NDOR1: variants seen among roughly 807,000 people sequenced by gnomAD.
NDOR1 encodes NADPH dependent diflavin oxidoreductase 1.
In NDOR1, 61 loss-of-function variants were observed where a neutral mutation model predicts 67.2. That is an observed-to-expected ratio of 0.91 (90% confidence interval 0.74 to 1.12). The LOEUF (loss-of-function observed/expected upper bound fraction) is 1.12, where lower values mean the gene tolerates loss of function less well. Ranked by LOEUF, NDOR1 falls within the 50% of genes most tolerant of loss-of-function variation. The probability of loss-of-function intolerance (pLI) is 0.00; values close to 1 mark genes in which losing one functional copy is unlikely to be tolerated. For missense variants in NDOR1, 878 were observed against 802.8 expected (o/e 1.09, Z -1.13); for synonymous variants, 378 against 343.7 (o/e 1.10, Z -1.10).
rs533505495 is a variant in NDOR1 at position 137,207,556 on chromosome 9, C to G, written c.213+1247C>G. Among the ~76,000 whole-genome samples, 18 of 152,196 alleles carry G rather than the reference C, an allele frequency of 1.2e-4. No individual in the cohort carries two copies. In the South Asian group the frequency reaches 3.7e-3, roughly 32 times the overall value. ...AGGAAGCTCCTCTCTCCCCACAGGA[C>G]AGGCTGCCCAGAACGTTAGAGCCCA... is the stretch of plus-strand genomic sequence containing the variant. On this transcript the variant is annotated intron_variant, in intron 2 of 13. Transcript: ENST00000684003.
At chr9:137,216,065 A>C in intron 12 of NDOR1, 29 bp from the exon 13 acceptor site, 1 of 1,613,396 alleles carries the variant, frequency 6.2e-7, no homozygotes, top group Non-Finnish European at 8.5e-7. Context: ...GCTCCGGCTC[A>C]GCCCCCAGCC....
chr9:137,209,307 A>G (rs1365946875), intron 2 of NDOR1, among the ~76,000 whole-genome samples: 2 of 152,104 alleles, frequency 1.3e-5, no homozygotes. Context: ...GGTCTCAGAT[A>G]GAGTGGGATG....
Position 137,214,177 on chromosome 9 carries a change from T to A in NDOR1, c.513-27T>A, listed in dbSNP as rs77510769. 3.7e-3 allele frequency: 5,920 copies of A among 1,593,858 alleles called. 130 individuals are homozygous for A. In the East Asian group the frequency reaches 0.067, roughly 18 times the overall value. On this transcript the variant is annotated intron_variant, in intron 5 of 13. Coordinates refer to ENST00000684003, the MANE Select transcript of NDOR1 (RefSeq NM_014434.4). The stretch of plus-strand genomic sequence containing the variant: ...TGGGCGGCCCCTGGGGAGTGGGTCC[T>A]GGTCTGACCAGCGTGCCCTCCCACA...
intron 2 of NDOR1, among the ~76,000 whole-genome samples, chr9:137,210,416 A>G (rs963808813): frequency 6.8e-6 from 1 of 148,028 alleles, no homozygotes; most frequent in Admixed American, 6.7e-5. Flanking sequence ...TATTTTTTGT[A>G]GAGATGGGGT....
At position 137,216,710 on chromosome 9, in the gene NDOR1, C is replaced by T. The variant is rs1189242952; in HGVS notation, c.*294C>T. On this transcript the variant is annotated 3_prime_UTR_variant, in exon 14 of 14. Coordinates refer to ENST00000684003, the MANE Select transcript of NDOR1 (RefSeq NM_014434.4). ...GTCAAGGTGGTGGCCTGGGCCGCTC[C>T]ACCTCACCGGTGCAGTGACCCAGGA... 5 of 466,464 alleles carry T rather than the reference C, an allele frequency of 1.1e-5. No individual in the cohort carries two copies. Among genetic ancestry groups the T allele is most frequent in the Non-Finnish European group, 2.0e-5 (5 of 254,508 alleles). 28.9% of individuals were successfully genotyped at this position (466,464 alleles called of 1,614,324 possible).
chr9:137,205,710 C>T lies in NDOR1; in HGVS notation c.-68C>T, dbSNP rs1048080141. On this transcript the variant is annotated 5_prime_UTR_variant, in exon 1 of 14. Coordinates refer to ENST00000684003, the MANE Select transcript of NDOR1 (RefSeq NM_014434.4). Reference sequence around the variant, plus strand: ...CGGAAGGCGGAAGGCGGAGCGGTCCCTGCAACCCGGCCGGCGGGAACTGCC... The same window carrying T: ...CGGAAGGCGGAAGGCGGAGCGGTCCTTGCAACCCGGCCGGCGGGAACTGCC... The T allele has an allele frequency of 5.0e-6, 8 of 1,595,278 alleles. No homozygotes were observed. The highest frequency in any genetic ancestry group is 3.3e-5 in the Admixed American group (2 of 59,848).
chr9:137,214,033 G>A lies in NDOR1; in HGVS notation c.477G>A (p.Pro159=), dbSNP rs779205891. ...LWDRVLGLYP[P]PPGLTEIPPG... The stretch of plus-strand genomic sequence containing the variant: ...ACAGGGTTCTGGGGCTGTACCCGCC[G>A]CCTCCGGGCCTCACTGAGATCCCTC... Residue 159 remains proline, a synonymous_variant, in exon 5 of 14, where the codon CCG becomes CCA. Coordinates refer to ENST00000684003, the MANE Select transcript of NDOR1 (RefSeq NM_014434.4). 1.9e-5 allele frequency: 30 copies of A among 1,545,112 alleles called. No individual in the cohort carries two copies. Among genetic ancestry groups the A allele is most frequent in the East Asian group, 4.8e-5 (2 of 41,246 alleles).
Position 137,214,623 on chromosome 9 carries a change from T to A in NDOR1, c.776T>A (p.Val259Asp). Residue 259 changes from valine (V) to aspartate (D), a missense_variant, in exon 7 of 14, where the codon GTC becomes GAC. Transcript: ENST00000684003. ...CAGCCCTCCAACTCGGCTGCCCATGTCCAGCGGTTCTGCCAGGTGCTGGGC... is the reference window on the plus strand; with the variant it reads ...CAGCCCTCCAACTCGGCTGCCCATGACCAGCGGTTCTGCCAGGTGCTGGGC... Reference protein sequence around the residue: ...LIQPSNSAAHVQRFCQVLGLD... With the variant: ...LIQPSNSAAHDQRFCQVLGLD... 1 of 1,610,242 alleles carries A rather than the reference T, an allele frequency of 6.2e-7. No homozygotes were observed. Among genetic ancestry groups the A allele is most frequent in the Non-Finnish European group, 8.5e-7 (1 of 1,179,942 alleles).
At chr9:137,210,470 A>C (rs1207684035) in intron 2 of NDOR1, among the ~76,000 whole-genome samples, 1 of 150,970 alleles carries the variant, frequency 6.6e-6, no homozygotes. Flanking sequence ...TCATCCTCCC[A>C]AAGTGCTAGG....
Position 137,214,843 on chromosome 9 carries a change from A to C in NDOR1, c.890A>C (p.His297Pro). The C allele has an allele frequency of 6.2e-7, 1 of 1,608,906 alleles. No individual in the cohort carries two copies. Among genetic ancestry groups the C allele is most frequent in the Non-Finnish European group, 8.5e-7 (1 of 1,179,978 alleles). Residue 297 changes from histidine to proline, a missense_variant, in exon 8 of 14, where the codon CAC becomes CCC. His to Pro is a moderately conservative substitution (Grantham distance 77). Coordinates refer to ENST00000684003, the MANE Select transcript of NDOR1 (RefSeq NM_014434.4). ...CTGCCCCAGCCCTGCTCCATGCGGC[A>C]CCTCGTGTCCCACTACCTGGACATC... ...TRLPQPCSMR[H>P]LVSHYLDIAS... is the part of the protein sequence containing the mutation.
At chr9:137,206,397 C>T (rs1834968245) in intron 2 of NDOR1, 88 bp downstream of exon 2, 2 of 1,344,944 alleles carry the variant, frequency 1.5e-6, no homozygotes, top group Non-Finnish European at 1.1e-6. Flanking sequence ...CAGTAAATAG[C>T]TCTCCTTTAT....
In NDOR1 at chr9:137,216,781, A is replaced by C. The variant is rs1173839693; in HGVS notation, c.*365A>C. The stretch of plus-strand genomic sequence containing the variant: ...GCACCAGGGGTGGCATAGGGCACCC[A>C]TGAGGCTGCGCTGCACTCCTCTGCC... On this transcript the variant is annotated 3_prime_UTR_variant, in exon 14 of 14. Transcript: ENST00000684003. 3.5e-5 allele frequency: 11 copies of C among 311,962 alleles called. No individual in the cohort carries two copies. Among genetic ancestry groups the C allele is most frequent in the Admixed American group, 4.7e-5 (1 of 21,226 alleles). The allele number at this position is 311,962 out of a possible 1,614,324, so 19.3% of individuals were successfully genotyped here. A position where few individuals can be genotyped will look rare whatever the true frequency, so the allele number is the denominator to read the frequency against.
At chr9:137,213,720 T>C (rs964796463) in intron 3 of NDOR1, 60 bp from the exon 4 acceptor site, 1 of 1,534,766 alleles carries the variant, frequency 6.5e-7, no homozygotes, top group African/African-American at 1.4e-5. Context: ...GGTTCCACTC[T>C]GCCTGGGCAC....
At chr9:137,211,449 G>T (rs1835252249) in intron 2 of NDOR1, among the ~76,000 whole-genome samples, 1 of 152,158 alleles carries the variant, frequency 6.6e-6, no homozygotes, top group Admixed American at 6.5e-5. Context: ...CTTTTCAGTG[G>T]TGGTGCCAAG....
chr9:137,210,343 C>T (rs1225056293), intron 2 of NDOR1, among the ~76,000 whole-genome samples: 1 of 152,190 alleles, frequency 6.6e-6, no homozygotes, highest in Non-Finnish European at 1.5e-5. Context: ...CCACCTCAGC[C>T]TCCTGGGTAG....
intron 1 of NDOR1, 134 bp downstream of exon 1, chr9:137,206,046 G>A: frequency 1.4e-6 from 2 of 1,479,170 alleles, no homozygotes; most frequent in Non-Finnish European, 1.8e-6. Context: ...TAGGGAAGGA[G>A]GTTTGGGAAG....
intron 6 of NDOR1, 44 bp from the exon 7 acceptor site, chr9:137,214,526 C>T (rs761142430): frequency 3.7e-6 from 6 of 1,609,364 alleles, no homozygotes; most frequent in Middle Eastern, 1.7e-4. Context: ...CCCCGACATC[C>T]TCCCTGCGGC....
In NDOR1 at chr9:137,214,846, T is replaced by C; in HGVS notation, c.893T>C (p.Leu298Pro). Residue 298 changes from leucine (L) to proline (P), a missense_variant, in exon 8 of 14, where the codon CTC becomes CCC. By Grantham distance (98) the Leu-to-Pro change is moderately conservative. Transcript: ENST00000684003. ...RLPQPCSMRH[L>P]VSHYLDIASV... is the part of the protein sequence containing the mutation. Reference sequence around the variant, plus strand: ...CCCCAGCCCTGCTCCATGCGGCACCTCGTGTCCCACTACCTGGACATCGCC... The same window carrying C: ...CCCCAGCCCTGCTCCATGCGGCACCCCGTGTCCCACTACCTGGACATCGCC... The C allele has an allele frequency of 6.2e-7, 1 of 1,609,228 alleles. No homozygotes were observed.
At position 137,215,502 on chromosome 9, in the gene NDOR1, A is replaced by G. The variant is rs746339424; in HGVS notation, c.1269A>G (p.Ala423=). 11 of 1,613,114 alleles carry G rather than the reference A, an allele frequency of 6.8e-6. No homozygotes were observed. The highest frequency in any genetic ancestry group is 8.5e-7 in the Non-Finnish European group (1 of 1,179,962). Residue 423 remains alanine (A), a synonymous_variant, in exon 10 of 14, where the codon GCA becomes GCG. Transcript: ENST00000684003. ...PRRGLCSSWL[A]SLDPGQGPVR... ...GGGGCCTCTGCTCCTCCTGGCTGGC[A>G]TCCCTGGACCCTGGGCAAGGTGACC...
Sources: allele counts gnomAD v4.1 joint callset (sites outside exome capture counted in the v4.1 genomes callset), GRCh38; gene constraint gnomAD v4.1.1; transcripts MANE v1.5; gene names NCBI Gene and HGNC (gene_info 2026-07-23, HGNC 2026-07-21).